AGBL3: variants seen among roughly 807,000 people sequenced by gnomAD.
AGBL3 encodes AGBL carboxypeptidase 3, also known as cytosolic carboxypeptidase 3.
Under a neutral mutation model 94.5 loss-of-function variants are expected in AGBL3, and 68 were observed. The ratio of observed to expected loss-of-function variants is 0.72; its 90% CI spans 0.59 to 0.88. The LOEUF is 0.88. Among genes scored for constraint, AGBL3 ranks in the 40% least tolerant of loss-of-function variants. The pLI is 0.00. For missense variants in AGBL3, 934 were observed against 1,103.8 expected, an observed-to-expected ratio of 0.85 and a Z score of 2.18; for synonymous variants, 354 against 370.7, an observed-to-expected ratio of 0.95 and a Z score of 0.52.
intron 12 of AGBL3, among the ~76,000 whole-genome samples, chr7:135,069,277 G>A (rs531502459): frequency 6.6e-6 from 1 of 152,230 alleles, no homozygotes; most frequent in South Asian, 2.1e-4. Flanking sequence ...ATAATAATGG[G>A]AGACTTTAAC....
chr7:135,052,256 T>C (rs1002508844), intron 11 of AGBL3, among the ~76,000 whole-genome samples: 3 of 152,238 alleles, frequency 2.0e-5, no homozygotes, highest in African/African-American at 7.2e-5. Context: ...CATTGTTCCA[T>C]ATCTAGCTAT....
At chr7:135,028,666 T>C (rs1227429420) in intron 5 of AGBL3, among the ~76,000 whole-genome samples, 1 of 152,194 alleles carries the variant, frequency 6.6e-6, no homozygotes, top group Non-Finnish European at 1.5e-5. Flanking sequence ...TCTGTTAATA[T>C]TGGCATTTTT....
At chr7:135,123,634 A>G (rs1827450036) in intron 16 of AGBL3, among the ~76,000 whole-genome samples, 1 of 152,200 alleles carries the variant, frequency 6.6e-6, no homozygotes, top group South Asian at 2.1e-4. Flanking sequence ...TGTTAAGGGC[A>G]GCCAGAGAGA....
At chr7:135,064,646 T>C (rs545994838) in intron 12 of AGBL3, among the ~76,000 whole-genome samples, 2 of 152,296 alleles carry the variant, frequency 1.3e-5, no homozygotes, top group East Asian at 3.9e-4. Context: ...TTTATAAGAT[T>C]GAAAAATAGA....
At chr7:135,046,102 T>C (rs1469438062) in intron 11 of AGBL3, among the ~76,000 whole-genome samples, 191 bp downstream of exon 11, 1 of 152,168 alleles carries the variant, frequency 6.6e-6, no homozygotes, top group Non-Finnish European at 1.5e-5. Flanking sequence ...AACATGAACA[T>C]TGCTATGTAC....
In AGBL3 at chr7:134,989,249, G is replaced by C. The variant is rs999024714; in HGVS notation, c.64-1G>C. On this transcript the variant is annotated splice_acceptor_variant, in intron 2 of 16. Coordinates refer to ENST00000436302, the MANE Select transcript of AGBL3 (RefSeq NM_178563.4). LOFTEE classifies it high-confidence loss of function. ...GAAATATTTTTAAATTCTTATTTTA[G>C]GATGAGGATATGTTCATGAAATTTG... The C allele has an allele frequency of 1.3e-6, 2 of 1,537,258 alleles. No homozygotes were observed. Among genetic ancestry groups the C allele is most frequent in the African/African-American group, 2.8e-5 (2 of 72,414 alleles).
chr7:135,084,918 A>G (rs776071924), intron 15 of AGBL3, among the ~76,000 whole-genome samples: 5 of 152,242 alleles, frequency 3.3e-5, no homozygotes, highest in African/African-American at 4.8e-5. Context: ...GGTAACCTCC[A>G]TATTATTCTC....
At chr7:135,119,058 A>G (rs144533447) in intron 16 of AGBL3, among the ~76,000 whole-genome samples, 34 of 152,290 alleles carry the variant, frequency 2.2e-4, no homozygotes, top group Non-Finnish European at 2.5e-4. Flanking sequence ...ATATTCACAT[A>G]TCGTAGTTTC....
chr7:135,135,521 C>G lies in AGBL3; in HGVS notation c.*260C>G, dbSNP rs538973057. On this transcript the variant is annotated 3_prime_UTR_variant, in exon 17 of 17. Transcript: ENST00000436302. The stretch of plus-strand genomic sequence containing the variant: ...AGTTTTTATCAGCATGGAAAAAAAT[C>G]TCTGAAGTTTTGATTTCTTCCAAAA... 24 of 270,140 alleles carry G rather than the reference C, an allele frequency of 8.9e-5. No individual in the cohort carries two copies. The South Asian group carries it at 3.1e-3, about 35-fold the overall frequency. The allele number at this position is 270,140 out of a possible 1,614,324, so 16.7% of individuals were successfully genotyped here.
intron 7 of AGBL3, among the ~76,000 whole-genome samples, chr7:135,035,600 A>G (rs992530515): frequency 3.9e-5 from 6 of 152,164 alleles, no homozygotes; most frequent in African/African-American, 1.4e-4. Context: ...CCATAAAGAT[A>G]CCTATGAGTA....
At chr7:135,115,693 C>CG in intron 16 of AGBL3, 82 bp downstream of exon 16, 1 of 1,176,896 alleles carries the variant, frequency 8.5e-7, no homozygotes, top group East Asian at 2.7e-5. Context: ...TATTATCCTA[C>CG]GAAAAAAAAA....
At chr7:135,104,064 T>G (rs1212370543) in intron 15 of AGBL3, among the ~76,000 whole-genome samples, 2 of 152,120 alleles carry the variant, frequency 1.3e-5, no homozygotes, top group Non-Finnish European at 2.9e-5. Context: ...CTCTCCCTCC[T>G]CCCACCCTTC....
intron 4 of AGBL3, chr7:135,012,143 CAGA>C (rs1400145950): frequency 2.0e-5 from 3 of 152,086 alleles, no homozygotes; most frequent in Admixed American, 1.3e-4. Context: ...AAAAACAGCA[CAGA>C]AGAATACCAT....
chr7:135,099,721 T>C (rs1368893456), intron 15 of AGBL3, among the ~76,000 whole-genome samples: 1 of 152,094 alleles, frequency 6.6e-6, no homozygotes, highest in Non-Finnish European at 1.5e-5. Context: ...ATATTCTACA[T>C]AGTATCTGTG....
Position 135,034,498 on chromosome 7 carries a change from T to G in AGBL3, c.907T>G (p.Tyr303Asp). The change falls in exon 7 of 17, where the codon TAC (tyrosine) becomes GAC (aspartate). Residue 303 changes from tyrosine to aspartate, a missense_variant. Transcript: ENST00000436302. ...CTTTGCTCATTGCTATCCATACACT[T>G]ACACCAACCTGCAAGAATACCTTTC... ...CYFAHCYPYT[Y>D]TNLQEYLSGI... 11 of 1,551,922 alleles carry G rather than the reference T, an allele frequency of 7.1e-6. No individual in the cohort carries two copies. The highest frequency in any genetic ancestry group is 7.8e-6 in the Non-Finnish European group (9 of 1,147,038).
intron 5 of AGBL3, among the ~76,000 whole-genome samples, chr7:135,019,419 GC>G (rs1372806678): frequency 6.6e-6 from 1 of 151,708 alleles, no homozygotes; most frequent in African/African-American, 2.4e-5. Flanking sequence ...TATAAACTTT[GC>G]TTTTCCCAAG....
At chr7:135,067,900 G>A (rs531637259) in intron 12 of AGBL3, among the ~76,000 whole-genome samples, 3 of 152,218 alleles carry the variant, frequency 2.0e-5, no homozygotes, top group Admixed American at 6.5e-5. Context: ...AATGACTGAC[G>A]AGTTGAGAGA....
chr7:135,028,862 G>A (rs1815428427), intron 5 of AGBL3, among the ~76,000 whole-genome samples: 1 of 152,126 alleles, frequency 6.6e-6, no homozygotes, highest in African/African-American at 2.4e-5. Flanking sequence ...CTTGATCCAT[G>A]GGCTGCAGAA....
At chr7:135,029,025 T>C (rs750400151) in intron 5 of AGBL3, among the ~76,000 whole-genome samples, 35 of 152,200 alleles carry the variant, frequency 2.3e-4, no homozygotes, top group Non-Finnish European at 3.5e-4. Flanking sequence ...GCTTAAAATA[T>C]TTAGTAAAGC....
Sources: allele counts gnomAD v4.1 joint callset (sites outside exome capture counted in the v4.1 genomes callset), GRCh38; gene constraint gnomAD v4.1.1; transcripts MANE v1.5; gene names NCBI Gene and HGNC (gene_info 2026-07-23, HGNC 2026-07-21).